The following RNF170 variants were observed in gnomAD, a reference collection of about 807,000 sequenced individuals.
RNF170 encodes the protein E3 ubiquitin-protein ligase RNF170.
A neutral mutation model predicts 32.7 loss-of-function variants in RNF170; 12 were observed. The observed-to-expected ratio is 0.37, with a 90% CI of 0.24 to 0.60. The LOEUF (loss-of-function observed/expected upper bound fraction) is 0.60. Ranked by LOEUF, RNF170 falls within the 20% of genes least tolerant of loss-of-function variation. The pLI is 0.72. For missense variants in RNF170, 212 were observed against 311.2 expected, an observed-to-expected ratio of 0.68 and a Z score of 2.40; for synonymous variants, 91 against 103.6, an observed-to-expected ratio of 0.88 and a Z score of 0.74.
intron 3 of RNF170, among the ~76,000 whole-genome samples, chr8:42,872,960 G>A (rs1468576126): frequency 6.6e-6 from 1 of 151,986 alleles, no homozygotes; most frequent in Non-Finnish European, 1.5e-5. Flanking sequence ...AGTGAAGCAA[G>A]CACAGCTCAC....
At chr8:42,883,450 T>A (rs1183105079) in intron 2 of RNF170, among the ~76,000 whole-genome samples, 1 of 151,504 alleles carries the variant, frequency 6.6e-6, no homozygotes, top group African/African-American at 2.4e-5. Flanking sequence ...GTGCCTGTAG[T>A]CCCAGCTACT....
In RNF170 at chr8:42,854,233, T is replaced by C. The variant is rs1803071694; in HGVS notation, c.*1926A>G. ...CTGTCTTACTCTGATGGAGGTATAA[T>C]GTAGCACGAAAGACTTCCAAAGAAC... On this transcript the variant is annotated 3_prime_UTR_variant, in exon 7 of 7. Coordinates refer to ENST00000527424, the MANE Select transcript of RNF170 (RefSeq NM_030954.4). 3.1e-6 allele frequency: 4 copies of C among 1,287,238 alleles called. No individual in the cohort carries two copies. The highest frequency in any genetic ancestry group is 4.0e-6 in the Non-Finnish European group (4 of 988,688). 79.7% of individuals were successfully genotyped at this position (1,287,238 alleles called of 1,614,324 possible).
chr8:42,894,469 C>T (rs529238155), intron 1 of RNF170, among the ~76,000 whole-genome samples: 1 of 152,138 alleles, frequency 6.6e-6, no homozygotes, highest in Non-Finnish European at 1.5e-5. Flanking sequence ...GCTAGAGATT[C>T]GACAGAAATA....
chr8:42,868,792 CA>C (rs1352609950), intron 4 of RNF170, among the ~76,000 whole-genome samples: 2 of 146,788 alleles, frequency 1.4e-5, no homozygotes, highest in Non-Finnish European at 3.0e-5. Flanking sequence ...GCAGAGGTTG[CA>C]GTGAGCAGAG....
intron 2 of RNF170, among the ~76,000 whole-genome samples, chr8:42,886,172 C>T (rs1173407132): frequency 2.0e-5 from 3 of 151,322 alleles, no homozygotes; most frequent in Non-Finnish European, 2.9e-5. Flanking sequence ...TGCAGTGAGC[C>T]GAGATCACGC....
At chr8:42,876,760 A>T (rs1213031738) in intron 2 of RNF170, among the ~76,000 whole-genome samples, 1 of 141,250 alleles carries the variant, frequency 7.1e-6, no homozygotes, top group African/African-American at 2.7e-5. Context: ...CCTGGGTTCT[A>T]GTGATTCTCC....
intron 1 of RNF170, among the ~76,000 whole-genome samples, chr8:42,890,272 T>C (rs1806187265): frequency 6.7e-6 from 1 of 150,370 alleles, no homozygotes; most frequent in Non-Finnish European, 1.5e-5. Flanking sequence ...TTTTTTTTTT[T>C]GAGACTTTTT....
chr8:42,857,621 T>A (rs1404176164), intron 6 of RNF170, among the ~76,000 whole-genome samples: 1 of 152,248 alleles, frequency 6.6e-6, no homozygotes, highest in Non-Finnish European at 1.5e-5. Context: ...ATTAAAGAGC[T>A]AAATGCCTTT....
intron 5 of RNF170, among the ~76,000 whole-genome samples, chr8:42,864,012 T>TGTGA (rs1803897942): frequency 6.7e-6 from 1 of 149,166 alleles, no homozygotes; most frequent in Non-Finnish European, 1.5e-5. Flanking sequence ...TGTGTGTGTG[T>TGTGA]GAACATTCCA....
intron 5 of RNF170, 132 bp from the exon 6 acceptor site, chr8:42,861,987 T>C (rs182947136): frequency 1.3e-4 from 119 of 947,214 alleles, no homozygotes; most frequent in Non-Finnish European, 1.7e-4. Flanking sequence ...AAAGGCAACC[T>C]GGGGGAGGGG....
At chr8:42,863,473 C>G (rs111783545) in intron 5 of RNF170, among the ~76,000 whole-genome samples, 7,034 of 152,136 alleles carry the variant, frequency 0.046, 325 homozygotes, top group African/African-American at 0.11. Flanking sequence ...GAGACAGTCT[C>G]GCTCTGTCTC....
At chr8:42,873,269 T>A (rs1182614021) in intron 3 of RNF170, among the ~76,000 whole-genome samples, 1 of 149,028 alleles carries the variant, frequency 6.7e-6, no homozygotes, top group Admixed American at 6.8e-5. Context: ...CGGGGCAACA[T>A]AGTGAGACCC....
At chr8:42,887,579 A>G (rs1805925212) in intron 2 of RNF170, 149 bp downstream of exon 2, 1 of 721,830 alleles carries the variant, frequency 1.4e-6, no homozygotes, top group Admixed American at 2.3e-5. Context: ...TAGCATTCAA[A>G]GCCCCGTGGA....
At chr8:42,885,036 T>C (rs888581747) in intron 2 of RNF170, among the ~76,000 whole-genome samples, 6 of 150,706 alleles carry the variant, frequency 4.0e-5, no homozygotes, top group Admixed American at 6.6e-5. Flanking sequence ...TAACTGAAAC[T>C]TTGCGCTGTT....
chr8:42,867,471 CAAAAAAAAAAAAAA>C, intron 4 of RNF170, among the ~76,000 whole-genome samples: 1 of 35,708 alleles, frequency 2.8e-5, no homozygotes, highest in South Asian at 1.2e-3. Context: ...AACTCCGTCT[CAAAAAAAAAAAAAA>C]AAAAAAAAGG....
chr8:42,868,989 C>T (rs905919028), intron 4 of RNF170, among the ~76,000 whole-genome samples: 2 of 152,130 alleles, frequency 1.3e-5, no homozygotes, highest in East Asian at 3.9e-4. Flanking sequence ...CAGTTCATTG[C>T]AGGCTCAAGC....
chr8:42,872,855 T>C (rs1804627259), intron 3 of RNF170, among the ~76,000 whole-genome samples: 1 of 152,166 alleles, frequency 6.6e-6, no homozygotes, highest in African/African-American at 2.4e-5. Context: ...ATGTGGTAGA[T>C]GTTCAAAAAA....
chr8:42,866,507 C>G (rs1051044197), intron 4 of RNF170, among the ~76,000 whole-genome samples: 3 of 151,600 alleles, frequency 2.0e-5, no homozygotes, highest in Admixed American at 2.0e-4. Context: ...TCGCTTCAAT[C>G]TGGGAGGCGG....
Position 42,855,417 on chromosome 8 carries a change from T to C in RNF170, c.*742A>G, listed in dbSNP as rs1803178185. 1.4e-6 allele frequency: 1 copy of C among 706,034 alleles called. No individual in the cohort carries two copies. Among genetic ancestry groups the C allele is most frequent in the South Asian group, 1.6e-5 (1 of 63,850 alleles). 43.7% of individuals were successfully genotyped at this position (706,034 alleles called of 1,614,324 possible). A position where few individuals can be genotyped will look rare whatever the true frequency, so the allele number is the denominator to read the frequency against. ...TAGTAGAGACGGGGTTTCACCATGTTAGCCAGGATGGTCCTGATCTCCTGA... is the reference window on the plus strand; with the variant it reads ...TAGTAGAGACGGGGTTTCACCATGTCAGCCAGGATGGTCCTGATCTCCTGA... On this transcript the variant is annotated 3_prime_UTR_variant, in exon 7 of 7. Transcript: ENST00000527424.
Sources: gnomAD v4.1 joint callset for allele counts (sites outside exome capture counted in the v4.1 genomes callset) on GRCh38, gnomAD v4.1.1 for gene constraint, MANE v1.5 for transcripts, NCBI Gene and HGNC (gene_info 2026-07-23, HGNC 2026-07-21) for gene names.